XKR7: variants seen among roughly 807,000 people sequenced by gnomAD.
XKR7 encodes XK related 7.
In XKR7, 11 loss-of-function variants were observed where a neutral mutation model predicts 42.2. The observed-to-expected ratio is 0.26, with a 90% CI of 0.16 to 0.43. The LOEUF is 0.43. Among genes scored for constraint, XKR7 ranks in the 20% least tolerant of loss-of-function variants. XKR7 has a pLI of 1.00. For synonymous variants in XKR7, 346 were observed against 366.4 expected (o/e 0.94, Z 0.64); for missense variants, 710 against 802.2 (o/e 0.89, Z 1.39).
chr20:31,996,729 G>C lies in XKR7; in HGVS notation c.1012G>C (p.Val338Leu), dbSNP rs774107481. 4 of 1,613,858 alleles carry C rather than the reference G, an allele frequency of 2.5e-6. No individual in the cohort carries two copies. The highest frequency in any genetic ancestry group is 1.1e-5 in the South Asian group (1 of 91,038). The change falls in exon 3 of 3, where the codon GTC (valine) becomes CTC (leucine). Residue 338 changes from valine (V) to leucine (L), a missense_variant. By Grantham distance (32) the Val-to-Leu change is conservative. This residue lies in a region of XKR7 where 708 missense variants were observed against 786.2 expected (regional missense o/e 0.90). Coordinates refer to ENST00000562532, the MANE Select transcript of XKR7 (RefSeq NM_001011718.2). ...CATCTTCATCGTGGCCCACTGGTGC[G>C]TCATGACCTTCTGGGTCATCCAAGG... ...FGIFIVAHWC[V>L]MTFWVIQGET...
At chr20:31,990,106 G>A (rs563475243) in intron 1 of XKR7, among the ~76,000 whole-genome samples, 9 of 152,228 alleles carry the variant, frequency 5.9e-5, no homozygotes, top group Admixed American at 2.0e-4. Flanking sequence ...AGGAGCCAGC[G>A]GCCCCTGCCC....
At chr20:31,983,392 G>A (rs1299961856) in intron 1 of XKR7, among the ~76,000 whole-genome samples, 2 of 152,216 alleles carry the variant, frequency 1.3e-5, no homozygotes, top group East Asian at 1.9e-4. Context: ...AGTGCTTTGC[G>A]GGGTTACAGG....
intron 1 of XKR7, among the ~76,000 whole-genome samples, chr20:31,994,766 G>T (rs1040821645): frequency 6.6e-6 from 1 of 152,148 alleles, no homozygotes; most frequent in East Asian, 1.9e-4. Context: ...GCACTCCAAG[G>T]TGTCAGTAAC....
intron 1 of XKR7, among the ~76,000 whole-genome samples, chr20:31,992,724 G>A (rs1471691883): frequency 6.6e-6 from 1 of 152,136 alleles, no homozygotes; most frequent in Non-Finnish European, 1.5e-5. Flanking sequence ...GGGGAGGAGG[G>A]TCCTAAATGG....
intron 1 of XKR7, among the ~76,000 whole-genome samples, chr20:31,989,541 G>A (rs1364500630): frequency 2.0e-5 from 3 of 152,250 alleles, no homozygotes; most frequent in East Asian, 1.9e-4. Flanking sequence ...CCACACAGAA[G>A]GCTGACGTGG....
At position 31,999,625 on chromosome 20, in the gene XKR7, T is replaced by A. The variant is rs960875323; in HGVS notation, c.*2168T>A. Reference sequence around the variant, plus strand: ...CAAAGCCGTTGTGAGATGGGAGCTCTGAAGATGCGGACCCAGACCCAGAAA... The same window carrying A: ...CAAAGCCGTTGTGAGATGGGAGCTCAGAAGATGCGGACCCAGACCCAGAAA... On this transcript the variant is annotated 3_prime_UTR_variant, in exon 3 of 3. Transcript: ENST00000562532. 4 of 152,188 alleles carry A rather than the reference T, an allele frequency of 2.6e-5. No homozygotes were observed. The highest frequency in any genetic ancestry group is 9.7e-5 in the African/African-American group (4 of 41,438). 9.4% of individuals were successfully genotyped at this position (152,188 alleles called of 1,614,324 possible).
chr20:31,987,954 CAG>C (rs1446632149), intron 1 of XKR7, among the ~76,000 whole-genome samples: 1 of 152,194 alleles, frequency 6.6e-6, no homozygotes, highest in Non-Finnish European at 1.5e-5. Context: ...GACTGACTAA[CAG>C]ACTCCTGACA....
At chr20:31,993,133 C>T (rs1044039480) in intron 1 of XKR7, among the ~76,000 whole-genome samples, 2 of 150,720 alleles carry the variant, frequency 1.3e-5, no homozygotes, top group East Asian at 1.9e-4. Flanking sequence ...TACACACACA[C>T]ACCACCCCCA....
At chr20:31,982,564 C>G (rs374755158) in intron 1 of XKR7, among the ~76,000 whole-genome samples, 1 of 149,850 alleles carries the variant, frequency 6.7e-6, no homozygotes, top group South Asian at 2.1e-4. Flanking sequence ...GTCAAATGAA[C>G]CTTCCCTTTT....
intron 1 of XKR7, among the ~76,000 whole-genome samples, chr20:31,994,376 G>A (rs1196037847): frequency 1.3e-5 from 2 of 152,152 alleles, no homozygotes; most frequent in African/African-American, 4.8e-5. Flanking sequence ...TGTGACCTTG[G>A]ATAAATGACA....
Position 31,997,922 on chromosome 20 carries a change from T to G in XKR7, c.*465T>G. The G allele has an allele frequency of 6.3e-6, 1 of 158,810 alleles. No homozygotes were observed. The highest frequency in any genetic ancestry group is 1.8e-4 in the East Asian group (1 of 5,452). The allele number at this position is 158,810 out of a possible 1,614,324, so 9.8% of individuals were successfully genotyped here. On this transcript the variant is annotated 3_prime_UTR_variant, in exon 3 of 3. Transcript: ENST00000562532. ...AGGATGGAGGTGGCCGTGGAAGGGA[T>G]GGGGTGAGGTTGGAGCATTGTGTGG...
At chr20:31,971,562 C>A (rs945311278) in intron 1 of XKR7, among the ~76,000 whole-genome samples, 14 of 152,174 alleles carry the variant, frequency 9.2e-5, no homozygotes, top group Non-Finnish European at 1.5e-4. Context: ...TTGCTTACCA[C>A]GTGAGATGTT....
intron 1 of XKR7, among the ~76,000 whole-genome samples, chr20:31,990,410 C>T (rs953673954): frequency 6.6e-6 from 1 of 152,196 alleles, no homozygotes; most frequent in Non-Finnish European, 1.5e-5. Context: ...GGTCACACAG[C>T]AGGTCTGGGA....
rs111470678 is a variant in XKR7 at position 31,982,539 on chromosome 20, G to C, written c.585-12529G>C. Among the ~76,000 whole-genome samples the C allele has an allele frequency of 8.0e-5, 12 of 149,264 alleles. 1 individual carries two copies. Among genetic ancestry groups the C allele is most frequent in the African/African-American group, 2.2e-4 (9 of 40,412 alleles). On this transcript the variant is annotated intron_variant, in intron 1 of 2. Coordinates refer to ENST00000562532, the MANE Select transcript of XKR7 (RefSeq NM_001011718.2). ...TGTCTCAAAAAAAAAAAAAAAAAAG[G>C]CTTGGTGAATAAATGTCAAATGAAC...
In XKR7 at chr20:31,998,077, G is replaced by T. The variant is rs1245980258; in HGVS notation, c.*620G>T. ...CAGTGCTGGAGATGGATAGGAGAAAGAACTGGGGGGGGGGTCTAGGCTGGC... is the reference window on the plus strand; with the variant it reads ...CAGTGCTGGAGATGGATAGGAGAAATAACTGGGGGGGGGGTCTAGGCTGGC... On this transcript the variant is annotated 3_prime_UTR_variant, in exon 3 of 3. Coordinates refer to ENST00000562532, the MANE Select transcript of XKR7 (RefSeq NM_001011718.2). The T allele has an allele frequency of 9.2e-6, 1 of 108,556 alleles. No individual in the cohort carries two copies. The highest frequency in any genetic ancestry group is 3.3e-4 in the East Asian group (1 of 3,034). The allele number at this position is 108,556 out of a possible 1,614,324, so 6.7% of individuals were successfully genotyped here.
intron 1 of XKR7, among the ~76,000 whole-genome samples, chr20:31,972,073 CT>C (rs1273409960): frequency 1.3e-5 from 2 of 152,200 alleles, no homozygotes; most frequent in African/African-American, 4.8e-5. Context: ...TTGATAAGGT[CT>C]TTTCACACAG....
At chr20:31,970,477 T>C (rs561839976) in intron 1 of XKR7, 1 of 152,364 alleles carries the variant, frequency 6.6e-6, no homozygotes, top group African/African-American at 2.4e-5. Flanking sequence ...CTATGGTTTC[T>C]TGGATATGGA....
At chr20:31,975,231 A>C (rs2064479964) in intron 1 of XKR7, among the ~76,000 whole-genome samples, 1 of 151,670 alleles carries the variant, frequency 6.6e-6, no homozygotes, top group Non-Finnish European at 1.5e-5. Flanking sequence ...TATCACCCCC[A>C]ACCCCCAATC....
Position 31,997,074 on chromosome 20 carries a change from TGCATCTTCCGTAAGGCCTCAGA to T in XKR7, c.1360_1381del (p.Ile454ProfsTer243). ...CATGCTGGGTCCCCAGGCACCTGGT[TGCATCTTCCGTAAGGCCTCAGA>T]GCCCTGTGGCCCACCCGCTGACGCC... On this transcript the variant is annotated frameshift_variant, in exon 3 of 3. Transcript: ENST00000562532. LOFTEE classifies it high-confidence loss of function. 3.1e-6 allele frequency: 5 copies of T among 1,613,792 alleles called. No individual in the cohort carries two copies. The highest frequency in any genetic ancestry group is 4.2e-6 in the Non-Finnish European group (5 of 1,180,042).
Sources: allele counts gnomAD v4.1 joint callset (sites outside exome capture counted in the v4.1 genomes callset), GRCh38; gene constraint gnomAD v4.1.1; regional missense constraint gnomAD v4.1.1; transcripts MANE v1.5; gene names NCBI Gene and HGNC (gene_info 2026-07-23, HGNC 2026-07-21).